The following CCDC83 variants were observed in gnomAD, a reference collection of about 807,000 sequenced individuals.
CCDC83 encodes the protein coiled-coil domain containing 83.
A neutral mutation model predicts 50.1 loss-of-function variants in CCDC83; 54 were observed. The observed-to-expected ratio is 1.08, with a 90% CI of 0.87 to 1.35. The LOEUF is 1.35. Among genes scored for constraint, CCDC83 ranks in the 40% most tolerant of loss-of-function variants. CCDC83 has a pLI of 0.00. For missense variants in CCDC83, 518 were observed against 473.9 expected, an observed-to-expected ratio of 1.09 and a Z score of -0.86; for synonymous variants, 161 against 153.3, an observed-to-expected ratio of 1.05 and a Z score of -0.37.
rs192972727 is a variant in CCDC83, at chr11:85,893,545, G to A, written c.512-1748G>A. Among the ~76,000 whole-genome samples, 613 of 152,340 alleles carry A rather than the reference G, an allele frequency of 4.0e-3. 2 individuals are homozygous for A. Among genetic ancestry groups the A allele is most frequent in the Non-Finnish European group, 7.0e-3 (473 of 68,026 alleles). On this transcript the variant is annotated intron_variant, in intron 5 of 10. Transcript: ENST00000342404. ...GGGTTCCCCAACCCCCAAGGCCACA[G>A]GCCAAGATTAGTCTGTGGCCTGTTA...
chr11:85,888,261 A>G (rs1273468878), intron 5 of CCDC83, among the ~76,000 whole-genome samples: 2 of 152,232 alleles, frequency 1.3e-5, no homozygotes, highest in African/African-American at 4.8e-5. Context: ...TTCTAACAGT[A>G]TGCATGAGGA....
At chr11:85,894,655 A>G (rs2093364402) in intron 5 of CCDC83, among the ~76,000 whole-genome samples, 1 of 152,238 alleles carries the variant, frequency 6.6e-6, no homozygotes, top group Admixed American at 6.5e-5. Context: ...TAGAATGTAC[A>G]TATCACAAGG....
At chr11:85,886,463 C>A (rs2093327522) in intron 5 of CCDC83, 96 bp downstream of exon 5, 3 of 952,154 alleles carry the variant, frequency 3.2e-6, no homozygotes, top group African/African-American at 1.7e-5. Context: ...CTGAATCATT[C>A]ATTACTCTGC....
Position 85,919,349 on chromosome 11 carries a change from G to A in CCDC83, c.1081G>A (p.Asp361Asn), listed in dbSNP as rs982565548. The change falls in exon 11 of 11, where the codon GAT becomes AAT. Residue 361 changes from aspartate to asparagine, a missense_variant and splice_region_variant. Asp to Asn is a conservative substitution (Grantham distance 23). Transcript: ENST00000342404. ...TCTTTTTTGTGCCTGTTCACCATAG[G>A]ATTATGTAAACTTGGGCCCCCTGGG... ...LLYEDEKDFK[D>N]YVNLGPLGVK... is the part of the protein sequence containing the mutation. 3 of 1,597,916 alleles carry A rather than the reference G, an allele frequency of 1.9e-6. No individual in the cohort carries two copies. The highest frequency in any genetic ancestry group is 2.6e-6 in the Non-Finnish European group (3 of 1,176,104).
chr11:85,869,802 G>A (rs1427510131), intron 2 of CCDC83, among the ~76,000 whole-genome samples: 3 of 152,220 alleles, frequency 2.0e-5, no homozygotes, highest in African/African-American at 7.2e-5. Context: ...CCATAATAGT[G>A]TTGAGTTCTG....
intron 7 of CCDC83, among the ~76,000 whole-genome samples, chr11:85,908,145 T>G (rs1318617084): frequency 6.6e-6 from 1 of 152,184 alleles, no homozygotes; most frequent in African/African-American, 2.4e-5. Context: ...ATGCCTTTCT[T>G]TCTAACTTCA....
chr11:85,879,608 A>C lies in CCDC83; in HGVS notation c.181-2905A>C, dbSNP rs1255994430. ...CATAAAGTAAAATTTGATAAGGATA[A>C]GTTTGAGGATTAACAATTTTTTTTT... On this transcript the variant is annotated intron_variant, in intron 3 of 10. Transcript: ENST00000342404. 3.3e-5 allele frequency among the ~76,000 whole-genome samples: 5 copies of C among 150,776 alleles called. No individual in the cohort carries two copies. In the South Asian group the frequency reaches 8.4e-4, roughly 25 times the overall value.
At chr11:85,901,651 A>C (rs1434266264) in intron 7 of CCDC83, among the ~76,000 whole-genome samples, 5 of 151,902 alleles carry the variant, frequency 3.3e-5, no homozygotes, top group Non-Finnish European at 5.9e-5. Flanking sequence ...CAAAAAAAAA[A>C]AAGGAAGAAG....
At chr11:85,916,447 T>C in intron 10 of CCDC83, 1 of 510,470 alleles carries the variant, frequency 2.0e-6, no homozygotes, top group South Asian at 2.2e-5. Flanking sequence ...TAGGCCTCCA[T>C]TAATAGTATA....
chr11:85,870,710 T>C (rs2093232260), intron 2 of CCDC83, among the ~76,000 whole-genome samples: 2 of 152,172 alleles, frequency 1.3e-5, no homozygotes, highest in Non-Finnish European at 2.9e-5. Flanking sequence ...CTATCTACTA[T>C]AGTAGTCCCC....
intron 4 of CCDC83, among the ~76,000 whole-genome samples, chr11:85,885,225 A>C (rs2093321311): frequency 6.6e-6 from 1 of 152,076 alleles, no homozygotes. Context: ...AAAAAAAAAA[A>C]TTAGTATCTT....
chr11:85,888,480 T>C (rs1405800899), intron 5 of CCDC83, among the ~76,000 whole-genome samples: 1 of 152,238 alleles, frequency 6.6e-6, no homozygotes, highest in Non-Finnish European at 1.5e-5. Context: ...CACCCATTTT[T>C]CTAATGTGTT....
chr11:85,919,576 C>T lies in CCDC83; in HGVS notation c.*66C>T, dbSNP rs964668133. The T allele has an allele frequency of 5.0e-6, 6 of 1,191,396 alleles. No homozygotes were observed. Among genetic ancestry groups the T allele is most frequent in the East Asian group, 2.5e-5 (1 of 40,280 alleles). 73.8% of individuals were successfully genotyped at this position (1,191,396 alleles called of 1,614,324 possible). ...TGTTCTTTGGGAACTGAAGTATATC[C>T]GTTGCCCATTTTACTTACACTTTGG... On this transcript the variant is annotated 3_prime_UTR_variant, in exon 11 of 11. Coordinates refer to ENST00000342404, the MANE Select transcript of CCDC83 (RefSeq NM_001286159.2).
At chr11:85,872,651 T>C (rs1330960121) in intron 2 of CCDC83, among the ~76,000 whole-genome samples, 7 of 152,206 alleles carry the variant, frequency 4.6e-5, no homozygotes, top group Non-Finnish European at 1.0e-4. Context: ...AAAGTCTTTC[T>C]GCACTTTTCT....
At chr11:85,877,500 T>A (rs987632597) in intron 3 of CCDC83, among the ~76,000 whole-genome samples, 40 of 152,238 alleles carry the variant, frequency 2.6e-4, no homozygotes, top group African/African-American at 9.2e-4. Context: ...CAATTTTTTT[T>A]AAATTTTGTA....
At chr11:85,889,687 C>T (rs1219390493) in intron 5 of CCDC83, among the ~76,000 whole-genome samples, 2 of 152,174 alleles carry the variant, frequency 1.3e-5, no homozygotes, top group Non-Finnish European at 2.9e-5. Flanking sequence ...CTCCTACCTT[C>T]TACACAGGCT....
intron 10 of CCDC83, among the ~76,000 whole-genome samples, chr11:85,917,192 GAGAA>G (rs1554986921): frequency 1.9e-4 from 15 of 79,796 alleles, no homozygotes; most frequent in African/African-American, 3.5e-4. Flanking sequence ...AAGAAAGAAA[GAGAA>G]AGAAAGAAAG....
intron 10 of CCDC83, among the ~76,000 whole-genome samples, chr11:85,919,108 C>T (rs905474649): frequency 9.9e-5 from 15 of 152,222 alleles, no homozygotes; most frequent in African/African-American, 3.6e-4. Flanking sequence ...AGCCTTGCTG[C>T]CTGCTTTTGG....
chr11:85,909,654 G>A (rs934466523), intron 7 of CCDC83, among the ~76,000 whole-genome samples: 4 of 91,774 alleles, frequency 4.4e-5, no homozygotes, highest in Non-Finnish European at 8.4e-5. Context: ...ACGGAGTCTC[G>A]CTCTGTTGCC....
Sources: allele counts gnomAD v4.1 joint callset (sites outside exome capture counted in the v4.1 genomes callset), GRCh38; gene constraint gnomAD v4.1.1; transcripts MANE v1.5; gene names NCBI Gene and HGNC (gene_info 2026-07-23, HGNC 2026-07-21).